UNC5D: variants seen among roughly 807,000 people sequenced by gnomAD.
UNC5D encodes the protein netrin receptor UNC5D.
UNC5D carries 39 observed loss-of-function variants against 105.4 expected under a neutral mutation model. The observed-to-expected ratio is 0.37, with a 90% confidence interval of 0.29 to 0.48. The LOEUF is 0.48. Among genes scored for constraint, UNC5D ranks in the 20% least tolerant of loss-of-function variants. UNC5D has a pLI of 0.98. For missense variants in UNC5D, 991 were observed against 1,202.4 expected (o/e 0.82, Z 2.60); for synonymous variants, 452 against 450.4 (o/e 1.00, Z -0.04).
chr8:35,731,882 A>G (rs548946617), intron 11 of UNC5D, among the ~76,000 whole-genome samples: 12 of 152,336 alleles, frequency 7.9e-5, no homozygotes, highest in Admixed American at 2.0e-4. Context: ...AACTGCTTTC[A>G]GGCCTGACAA....
At chr8:35,561,375 A>G (rs1187039795) in intron 2 of UNC5D, among the ~76,000 whole-genome samples, 1 of 152,108 alleles carries the variant, frequency 6.6e-6, no homozygotes, top group African/African-American at 2.4e-5. Flanking sequence ...TTCCCCTACC[A>G]GTTCTGCCTC....
Position 35,714,088 on chromosome 8 carries a change from A to G in UNC5D, c.1118-8122A>G, listed in dbSNP as rs994799021. ...GGGTGTGGGTGGAGGGGACTGGTCC[A>G]TGTGGATATCCACTGGGATGTCTCC... On this transcript the variant is annotated intron_variant, in intron 8 of 16. Coordinates refer to ENST00000404895, the MANE Select transcript of UNC5D (RefSeq NM_080872.4). 1.1e-4 allele frequency among the ~76,000 whole-genome samples: 16 copies of G among 152,188 alleles called. No homozygotes were observed. The South Asian group carries it at 1.2e-3, about 12-fold the overall frequency.
rs369792188 is a variant in UNC5D at position 35,737,252 on chromosome 8, C to CTGTGTGTGTG, written c.1766+6196_1766+6205dup. Among the ~76,000 whole-genome samples, 349 of 119,874 alleles carry CTGTGTGTGTG rather than the reference C, an allele frequency of 2.9e-3. 4 individuals are homozygous for CTGTGTGTGTG. The highest frequency in any genetic ancestry group is 9.5e-3 in the African/African-American group (253 of 26,522). The allele number at this position is 119,874 out of a possible 152,430, so 78.6% of individuals were successfully genotyped here. On this transcript the variant is annotated intron_variant, in intron 11 of 16. Transcript: ENST00000404895. ...GGGGAGAAACTTGGCAAGATCTGCT[C>CTGTGTGTGTG]TGTGTGTGTGTGTGTGTGTGTGTGT...
intron 11 of UNC5D, among the ~76,000 whole-genome samples, chr8:35,734,335 CA>C (rs10657691): frequency 0.068 from 1,924 of 28,220 alleles, 5 homozygotes; most frequent in African/African-American, 0.11. Context: ...TAATCACTGT[CA>C]AAAAAAAAAA....
chr8:35,288,506 A>G (rs910967164), intron 1 of UNC5D, among the ~76,000 whole-genome samples: 1 of 152,210 alleles, frequency 6.6e-6, no homozygotes, highest in Non-Finnish European at 1.5e-5. Context: ...TTTAATAACA[A>G]AAGATATGTG....
intron 1 of UNC5D, among the ~76,000 whole-genome samples, chr8:35,524,787 C>A (rs1027414851): frequency 4.0e-5 from 6 of 150,102 alleles, no homozygotes; most frequent in Non-Finnish European, 7.4e-5. Flanking sequence ...GTAAAAGTTT[C>A]TTTCAATCAT....
Position 35,494,713 on chromosome 8 carries a change from G to A in UNC5D, c.104-54579G>A, listed in dbSNP as rs561951084. 2.0e-5 allele frequency among the ~76,000 whole-genome samples: 3 copies of A among 152,248 alleles called. No individual in the cohort carries two copies. In the South Asian group the frequency reaches 6.2e-4, roughly 32 times the overall value. ...TTGGAATATTTATTCAGACACAATT[G>A]TCCAGAATAATTCTGACAGTCGCCA... On this transcript the variant is annotated intron_variant, in intron 1 of 16. Transcript: ENST00000404895.
chr8:35,405,421 C>G (rs1319719884), intron 1 of UNC5D, among the ~76,000 whole-genome samples: 1 of 152,144 alleles, frequency 6.6e-6, no homozygotes, highest in African/African-American at 2.4e-5. Context: ...TAAGCTGAGC[C>G]TATGATGCCC....
At chr8:35,401,633 G>A (rs1308313839) in intron 1 of UNC5D, among the ~76,000 whole-genome samples, 1 of 152,122 alleles carries the variant, frequency 6.6e-6, no homozygotes, top group Non-Finnish European at 1.5e-5. Flanking sequence ...AGGGTACACT[G>A]CTTGTTTCAA....
rs1807908452 is a variant in UNC5D at position 35,300,961 on chromosome 8, A to ATG, written c.103+65082_103+65083dup. On this transcript the variant is annotated intron_variant, in intron 1 of 16. Coordinates refer to ENST00000404895, the MANE Select transcript of UNC5D (RefSeq NM_080872.4). ...CAGATAGACACCAATAGGAATACAG[A>ATG]TGTGTGTGTATGTTTATGTGTATAC... is the stretch of plus-strand genomic sequence containing the variant. Among the ~76,000 whole-genome samples, 3 of 152,178 alleles carry ATG rather than the reference A, an allele frequency of 2.0e-5. No individual in the cohort carries two copies. In the South Asian group the frequency reaches 6.2e-4, roughly 32 times the overall value.
At chr8:35,448,327 G>A (rs998086438) in intron 1 of UNC5D, among the ~76,000 whole-genome samples, 3 of 151,996 alleles carry the variant, frequency 2.0e-5, no homozygotes, top group Non-Finnish European at 4.4e-5. Context: ...AGTTAAATGA[G>A]GGGTTATTTC....
At chr8:35,544,595 GTTTTTTTTT>G (rs775831187) in intron 1 of UNC5D, 11 of 571,578 alleles carry the variant, frequency 1.9e-5, no homozygotes, top group South Asian at 2.3e-5. Context: ...TTTCGTTTTC[GTTTTTTTTT>G]TTTTTTTTTT....
chr8:35,486,407 C>T (rs1375882488), intron 1 of UNC5D, among the ~76,000 whole-genome samples: 1 of 151,998 alleles, frequency 6.6e-6, no homozygotes, highest in Non-Finnish European at 1.5e-5. Flanking sequence ...GGAGAGGGGC[C>T]CAAGGAAGGG....
chr8:35,413,290 T>TG (rs1805306742), intron 1 of UNC5D, among the ~76,000 whole-genome samples: 2 of 15,708 alleles, frequency 1.3e-4, no homozygotes, highest in South Asian at 0.018. Flanking sequence ...TGTGTGTGTG[T>TG]GTTGTGTGTG....
chr8:35,655,510 A>G (rs1029392124), intron 4 of UNC5D, among the ~76,000 whole-genome samples: 3 of 152,218 alleles, frequency 2.0e-5, no homozygotes, highest in Non-Finnish European at 2.9e-5. Flanking sequence ...GCATTTATTC[A>G]TAAGGAAAAG....
chr8:35,351,601 T>A (rs898777889), intron 1 of UNC5D, among the ~76,000 whole-genome samples: 2 of 152,036 alleles, frequency 1.3e-5, no homozygotes, highest in Admixed American at 6.6e-5. Flanking sequence ...GCATAAAGAC[T>A]GAGGATTATT....
chr8:35,410,539 T>C (rs1309470250), intron 1 of UNC5D, among the ~76,000 whole-genome samples: 4 of 152,098 alleles, frequency 2.6e-5, no homozygotes, highest in Admixed American at 6.6e-5. Flanking sequence ...AGAGTCTTGG[T>C]ATTGTGGAAT....
chr8:35,522,732 A>C (rs145449698), intron 1 of UNC5D, among the ~76,000 whole-genome samples: 120 of 152,338 alleles, frequency 7.9e-4, no homozygotes, highest in African/African-American at 2.8e-3. Flanking sequence ...ATAAAATGTG[A>C]AACTGGATGA....
chr8:35,391,495 T>G (rs186697181), intron 1 of UNC5D, among the ~76,000 whole-genome samples: 45 of 152,350 alleles, frequency 3.0e-4, no homozygotes, highest in African/African-American at 1.1e-3. Flanking sequence ...AACATAGTAG[T>G]AGTCTATTCT....
Sources: gnomAD v4.1 joint callset for allele counts (sites outside exome capture counted in the v4.1 genomes callset) on GRCh38, gnomAD v4.1.1 for gene constraint, MANE v1.5 for transcripts, NCBI Gene and HGNC (gene_info 2026-07-23, HGNC 2026-07-21) for gene names.